ZNF704: variants seen among roughly 807,000 people sequenced by gnomAD.
ZNF704 encodes the protein glucocorticoid induced gene 1.
In ZNF704, 10 loss-of-function variants were observed where a neutral mutation model predicts 44.7. The observed-to-expected ratio is 0.22, with a 90% CI of 0.14 to 0.38. The LOEUF (loss-of-function observed/expected upper bound fraction) is 0.38. ZNF704 is among the 10% of genes least tolerant of loss of function. The probability of loss-of-function intolerance (pLI) is 1.00; values close to 1 mark genes in which losing one functional copy is unlikely to be tolerated. For missense variants in ZNF704, 390 were observed against 545.5 expected, an observed-to-expected ratio of 0.71 and a Z score of 2.84; for synonymous variants, 211 against 207.6, an observed-to-expected ratio of 1.02 and a Z score of -0.14.
chr8:80,725,380 A>T (rs1806459890), intron 2 of ZNF704, among the ~76,000 whole-genome samples: 1 of 152,212 alleles, frequency 6.6e-6, no homozygotes, highest in Non-Finnish European at 1.5e-5. Context: ...ATAGATTTTT[A>T]GTTTATGTTA....
chr8:80,835,866 C>A (rs1434811575), intron 1 of ZNF704, among the ~76,000 whole-genome samples: 1 of 152,146 alleles, frequency 6.6e-6, no homozygotes, highest in Admixed American at 6.5e-5. Context: ...CCCATTCACA[C>A]CCAATCCATG....
chr8:80,707,172 A>T (rs564826861), intron 2 of ZNF704, among the ~76,000 whole-genome samples: 2 of 152,198 alleles, frequency 1.3e-5, no homozygotes, highest in African/African-American at 2.4e-5. Flanking sequence ...CAGAGGCGCA[A>T]TGGGGTCTTT....
intron 4 of ZNF704, among the ~76,000 whole-genome samples, chr8:80,674,882 A>C (rs984684554): frequency 2.0e-5 from 3 of 152,250 alleles, no homozygotes; most frequent in Non-Finnish European, 2.9e-5. Flanking sequence ...CAATGACTCA[A>C]GCAAAAATAC....
intron 2 of ZNF704, among the ~76,000 whole-genome samples, chr8:80,748,816 C>T (rs866874280): frequency 6.6e-5 from 10 of 152,162 alleles, no homozygotes; most frequent in South Asian, 2.1e-4. Context: ...GTTACTAGTT[C>T]TGAGACATGT....
chr8:80,753,659 T>C (rs907246392), intron 2 of ZNF704, among the ~76,000 whole-genome samples: 1 of 152,192 alleles, frequency 6.6e-6, no homozygotes, highest in Non-Finnish European at 1.5e-5. Flanking sequence ...TCCTACTCTC[T>C]AAGGGGACAT....
chr8:80,693,160 C>T, intron 2 of ZNF704, 53 bp from the exon 3 acceptor site: 1 of 1,489,946 alleles, frequency 6.7e-7, no homozygotes, highest in Non-Finnish European at 9.4e-7. Context: ...CTGCTGTGGG[C>T]CACACAAGGT....
intron 7 of ZNF704, among the ~76,000 whole-genome samples, chr8:80,648,400 T>C (rs572613640): frequency 1.1e-3 from 163 of 152,318 alleles, no homozygotes; most frequent in African/African-American, 3.8e-3. Flanking sequence ...GAGTTTTTTC[T>C]TCAGACTTTT....
At chr8:80,790,753 TA>T (rs1807690722) in intron 2 of ZNF704, among the ~76,000 whole-genome samples, 1 of 151,998 alleles carries the variant, frequency 6.6e-6, no homozygotes, top group Non-Finnish European at 1.5e-5. Flanking sequence ...ATCTGAGGGT[TA>T]AGAAGTTCTG....
chr8:80,703,863 T>C (rs1308845436), intron 2 of ZNF704, among the ~76,000 whole-genome samples: 2 of 152,314 alleles, frequency 1.3e-5, no homozygotes, highest in South Asian at 2.1e-4. Context: ...GGGGGAAGCA[T>C]AGAACACGTA....
At chr8:80,757,083 T>C (rs879844875) in intron 2 of ZNF704, among the ~76,000 whole-genome samples, 11 of 152,238 alleles carry the variant, frequency 7.2e-5, no homozygotes, top group African/African-American at 2.4e-4. Flanking sequence ...TGTTTCAGAG[T>C]ACAGTCCTTC....
At chr8:80,670,632 T>A (rs895739088) in intron 4 of ZNF704, 29 bp from the exon 5 acceptor site, 5 of 1,449,538 alleles carry the variant, frequency 3.4e-6, no homozygotes, top group East Asian at 2.3e-5. Context: ...GATATTAGAA[T>A]GGAAACTATT....
intron 2 of ZNF704, chr8:80,776,894 A>G (rs960822531): frequency 2.0e-5 from 3 of 152,090 alleles, no homozygotes; most frequent in Admixed American, 2.0e-4. Flanking sequence ...GAACTCCTGG[A>G]CTCAAGTGAT....
intron 5 of ZNF704, among the ~76,000 whole-genome samples, chr8:80,666,777 C>G (rs1317926882): frequency 1.3e-5 from 2 of 149,936 alleles, no homozygotes; most frequent in Non-Finnish European, 3.0e-5. Flanking sequence ...TGAGAAGTGT[C>G]TGTTCATGTC....
At position 80,696,711 on chromosome 8, in the gene ZNF704, C is replaced by T. The variant is rs139371711; in HGVS notation, c.222-3604G>A. Among the ~76,000 whole-genome samples the T allele has an allele frequency of 1.8e-3, 279 of 152,326 alleles. 1 individual carries two copies. Among genetic ancestry groups the T allele is most frequent in the Middle Eastern group, 3.4e-3 (1 of 294 alleles). On this transcript the variant is annotated intron_variant, in intron 2 of 8. Transcript: ENST00000327835. ...GGGATTACAGGCGTGAGCCAATGCG[C>T]CCGGCCAGATTTCTTTGATTTTGAA...
chr8:80,649,528 G>A (rs554261303), intron 7 of ZNF704, among the ~76,000 whole-genome samples: 2 of 152,328 alleles, frequency 1.3e-5, no homozygotes, highest in South Asian at 4.1e-4. Flanking sequence ...TCCTGCACCT[G>A]GCTCGGAGGG....
At chr8:80,695,938 G>T (rs1237856219) in intron 2 of ZNF704, among the ~76,000 whole-genome samples, 2 of 152,196 alleles carry the variant, frequency 1.3e-5, no homozygotes, top group African/African-American at 4.8e-5. Context: ...CAGTTAACCT[G>T]CATTTCTCAG....
At chr8:80,671,090 G>A (rs1347505524) in intron 4 of ZNF704, among the ~76,000 whole-genome samples, 1 of 152,116 alleles carries the variant, frequency 6.6e-6, no homozygotes, top group African/African-American at 2.4e-5. Flanking sequence ...CCCTCCACCA[G>A]TACAAAATTC....
intron 2 of ZNF704, 68 bp downstream of exon 2, chr8:80,821,306 G>T: frequency 6.8e-7 from 1 of 1,464,212 alleles, no homozygotes; most frequent in Non-Finnish European, 9.5e-7. Context: ...CTGTACACTG[G>T]CAGAGATTAT....
At chr8:80,754,716 C>A (rs937828044) in intron 2 of ZNF704, among the ~76,000 whole-genome samples, 9 of 152,194 alleles carry the variant, frequency 5.9e-5, no homozygotes, top group Non-Finnish European at 1.3e-4. Context: ...TGCTCCCCTG[C>A]AGTTAGGCAT....
Sources: gnomAD v4.1 joint callset for allele counts (sites outside exome capture counted in the v4.1 genomes callset) on GRCh38, gnomAD v4.1.1 for gene constraint, MANE v1.5 for transcripts, NCBI Gene and HGNC (gene_info 2026-07-23, HGNC 2026-07-21) for gene names.